The following PCDH19 variants were observed in gnomAD, a reference collection of about 807,000 sequenced individuals.
PCDH19 encodes the protein protocadherin-19.
A neutral mutation model predicts 46.2 loss-of-function variants in PCDH19; 6 were observed. The observed-to-expected ratio is 0.13, with a 90% CI of 0.07 to 0.26. PCDH19 has a LOEUF of 0.26. PCDH19 is among the 10% of genes least tolerant of loss of function. The pLI is 1.00. For synonymous variants in PCDH19, 481 were observed against 415.7 expected (o/e 1.16, Z -1.91); for missense variants, 740 against 972.3 (o/e 0.76, Z 3.18).
In PCDH19 at chrX:100,407,829, C is replaced by G. The variant is rs201713027; in HGVS notation, c.769G>C (p.Val257Leu). The G allele has an allele frequency of 5.9e-4, 716 of 1,211,112 alleles. No homozygotes were observed. Among genetic ancestry groups the G allele is most frequent in the Non-Finnish European group, 7.2e-4 (646 of 895,428 alleles). The change falls in exon 1 of 6, where the codon GTC becomes CTC. Residue 257 changes from valine (V) to leucine (L), a missense_variant. Val to Leu is a conservative substitution (Grantham distance 32, BLOSUM62 1). Transcript: ENST00000373034. ...VPENSPPNTPVIRLNASDPDE... is the reference protein window; with the variant it reads ...VPENSPPNTPLIRLNASDPDE... ...GGATCGCTGGCGTTGAGGCGGATGA[C>G]GGGTGTGTTGGGAGGCGAGTTTTCT... is the stretch of plus-strand genomic sequence containing the variant.
Position 100,408,564 on chromosome X carries a change from G to A in PCDH19, c.34C>T (p.Leu12=), listed in dbSNP as rs769164159. The A allele has an allele frequency of 1.6e-5, 19 of 1,172,792 alleles. No individual in the cohort carries two copies. Among genetic ancestry groups the A allele is most frequent in the Admixed American group, 1.4e-4 (6 of 43,551 alleles). ...ESLLLPVLLL[L]AILWTQAAAL... is the part of the protein sequence containing the mutation. ...GCAGCCTGCGTCCACAGTATGGCCA[G>A]CAGCAGCAGCACCGGCAGCAGGAGC... Residue 12 remains leucine (L), a synonymous_variant, in exon 1 of 6, where the codon CTG becomes TTG. Transcript: ENST00000373034.
intron 3 of PCDH19, among the ~76,000 whole-genome samples, chrX:100,392,683 CTG>C (rs969850584): frequency 8.9e-5 from 10 of 111,827 alleles, no homozygotes; most frequent in African/African-American, 3.3e-4. Flanking sequence ...ACCATGGCCT[CTG>C]TGCCTGGCAG....
At chrX:100,349,255 A>G (rs753231639) in intron 4 of PCDH19, among the ~76,000 whole-genome samples, 25 of 112,281 alleles carry the variant, frequency 2.2e-4, no homozygotes, top group African/African-American at 6.8e-4. Flanking sequence ...ATCAGTGCAC[A>G]TAAGAGGGTT....
rs1247628940 is a variant in PCDH19 at position 100,408,681 on chromosome X, G to C, written c.-84C>G. 30 of 883,280 alleles carry C rather than the reference G, an allele frequency of 3.4e-5. No homozygotes were observed. Among genetic ancestry groups the C allele is most frequent in the East Asian group, 1.0e-4 (3 of 28,920 alleles). 72.8% of individuals were successfully genotyped at this position (883,280 alleles called of 1,213,427 possible). A position where few individuals can be genotyped will look rare whatever the true frequency, so the allele number is the denominator to read the frequency against. On this transcript the variant is annotated 5_prime_UTR_variant, in exon 1 of 6. Coordinates refer to ENST00000373034, the MANE Select transcript of PCDH19 (RefSeq NM_001184880.2). ...CGGCGCTCCAGCTTCCCGCCGGCTC[G>C]GGCCGCCTGTTGCGCGCGCCCCGTG...
chrX:100,342,996 CAG>C (rs1176565902), intron 4 of PCDH19, among the ~76,000 whole-genome samples: 1 of 112,127 alleles, frequency 8.9e-6, no homozygotes, highest in African/African-American at 3.2e-5. Context: ...CTCAGTAAAA[CAG>C]ACAATTCTCT....
At chrX:100,390,794 A>C (rs1468490486) in intron 3 of PCDH19, among the ~76,000 whole-genome samples, 1 of 112,082 alleles carries the variant, frequency 8.9e-6, no homozygotes, top group African/African-American at 3.2e-5. Context: ...TAAAAATAAC[A>C]GCAAGAACAA....
intron 3 of PCDH19, among the ~76,000 whole-genome samples, chrX:100,354,493 T>C (rs1214304574): frequency 3.6e-5 from 4 of 111,609 alleles, no homozygotes; most frequent in Non-Finnish European, 1.9e-5. Flanking sequence ...GAAATTTTAG[T>C]GTACCTCCGG....
intron 5 of PCDH19, among the ~76,000 whole-genome samples, chrX:100,316,611 G>T (rs1018358684): frequency 1.8e-5 from 2 of 111,899 alleles, no homozygotes; most frequent in African/African-American, 6.5e-5. Flanking sequence ...AACTGAGCAG[G>T]GCCAACACTG....
intron 3 of PCDH19, among the ~76,000 whole-genome samples, chrX:100,360,980 G>A (rs1300583288): frequency 1.8e-5 from 2 of 111,889 alleles, no homozygotes; most frequent in Admixed American, 1.9e-4. Context: ...GGGATGAGGA[G>A]GGATGAGGGT....
At chrX:100,371,806 T>C (rs1233609843) in intron 3 of PCDH19, among the ~76,000 whole-genome samples, 1 of 109,124 alleles carries the variant, frequency 9.2e-6, no homozygotes, top group Non-Finnish European at 1.9e-5. Context: ...ACAAAGTGTT[T>C]ATCAAGTGAA....
intron 1 of PCDH19, 27 bp from the exon 2 acceptor site, chrX:100,403,691 AT>A (rs748601047): frequency 6.8e-6 from 8 of 1,169,868 alleles, no homozygotes; most frequent in Non-Finnish European, 9.2e-6. Context: ...AGGTTAGTGC[AT>A]TCAGCATCCT....
Position 100,408,334 on chromosome X carries a change from G to A in PCDH19, c.264C>T (p.Asp88=), listed in dbSNP as rs1451214550. The change falls in exon 1 of 6, where the codon GAC becomes GAT. Residue 88 remains aspartate, a synonymous_variant. Coordinates refer to ENST00000373034, the MANE Select transcript of PCDH19 (RefSeq NM_001184880.2). ...GGCTCTGGCGGCACAGCAGATCACG[G>A]TCAATCTTCTGCTTGGTGACCAGCA... ...SGLLVTKQKI[D]RDLLCRQSPK... 1.2e-5 allele frequency: 14 copies of A among 1,208,844 alleles called. No homozygotes were observed. The highest frequency in any genetic ancestry group is 1.6e-5 in the Non-Finnish European group (14 of 895,000).
intron 5 of PCDH19, among the ~76,000 whole-genome samples, chrX:100,338,320 C>T (rs1234709633): frequency 2.4e-5 from 2 of 82,255 alleles, no homozygotes; most frequent in East Asian, 3.8e-4. Flanking sequence ...CCAGCCTGGG[C>T]GACAGAGCGA....
intron 5 of PCDH19, among the ~76,000 whole-genome samples, chrX:100,299,195 C>A (rs1213408803): frequency 9.0e-6 from 1 of 111,353 alleles, no homozygotes; most frequent in African/African-American, 3.3e-5. Context: ...AAAGACCTAA[C>A]CCTTGAGCCC....
chrX:100,364,849 G>A (rs1205740271), intron 3 of PCDH19, among the ~76,000 whole-genome samples: 1 of 112,328 alleles, frequency 8.9e-6, no homozygotes, highest in East Asian at 2.8e-4. Flanking sequence ...AGGCTGATGT[G>A]CTTCCTAGAC....
intron 3 of PCDH19, among the ~76,000 whole-genome samples, chrX:100,386,268 G>C (rs1453196695): frequency 9.0e-6 from 1 of 111,361 alleles, no homozygotes; most frequent in Admixed American, 9.6e-5. Flanking sequence ...CTTTTGGTCT[G>C]TCTGGGGCCC....
chrX:100,342,560 A>C (rs1272935530), intron 4 of PCDH19, among the ~76,000 whole-genome samples: 1 of 112,167 alleles, frequency 8.9e-6, no homozygotes, highest in Non-Finnish European at 1.9e-5. Context: ...AAACAGAGGT[A>C]CATGGAAGTG....
At position 100,296,215 on chromosome X, in the gene PCDH19, CAAG is replaced by C. The variant is rs1009413539; in HGVS notation, c.*59_*61del. 6.4e-6 allele frequency: 6 copies of C among 931,112 alleles called. No homozygotes were observed. The African/African-American group carries it at 9.7e-5, about 15-fold the overall frequency. 76.7% of individuals were successfully genotyped at this position (931,112 alleles called of 1,213,427 possible). On this transcript the variant is annotated 3_prime_UTR_variant, in exon 6 of 6. Transcript: ENST00000373034. ...ACCAACCATTGGTGAGCAATTAAAA[CAAG>C]AAGCTCCTGCTTCTTCACTAGCCAG...
intron 5 of PCDH19, among the ~76,000 whole-genome samples, chrX:100,337,330 A>C (rs1393298580): frequency 8.9e-6 from 1 of 111,896 alleles, no homozygotes; most frequent in African/African-American, 3.2e-5. Flanking sequence ...CGCCAATGAC[A>C]ACACTTACTT....
Sources: allele counts gnomAD v4.1 joint callset (sites outside exome capture counted in the v4.1 genomes callset), GRCh38; gene constraint gnomAD v4.1.1; transcripts MANE v1.5; gene names NCBI Gene and HGNC (gene_info 2026-07-23, HGNC 2026-07-21).